The following SIPA1L2 variants were observed in gnomAD, a reference collection of about 807,000 sequenced individuals.
SIPA1L2 encodes the protein signal-induced proliferation-associated 1-like protein 2.
In SIPA1L2, 56 loss-of-function variants were observed where a neutral mutation model predicts 163.9. The ratio of observed to expected loss-of-function variants is 0.34; its 90% confidence interval spans 0.28 to 0.43. The LOEUF is 0.43. SIPA1L2 is among the 20% of genes least tolerant of loss of function. SIPA1L2 has a pLI of 1.00. For missense variants in SIPA1L2, 1,974 were observed against 2,193.5 expected, an observed-to-expected ratio of 0.90 and a Z score of 2.00; for synonymous variants, 877 against 865.7, an observed-to-expected ratio of 1.01 and a Z score of -0.23.
intron 1 of SIPA1L2, among the ~76,000 whole-genome samples, chr1:232,575,089 A>T (rs1294953211): frequency 1.3e-5 from 2 of 152,202 alleles, no homozygotes; most frequent in African/African-American, 4.8e-5. Flanking sequence ...CTGCAAACTC[A>T]ACTACAGCCA....
At position 232,609,548 on chromosome 1, in the gene SIPA1L2, C is replaced by T. The variant is rs564815751; in HGVS notation, c.-319+20321G>A. Reference sequence around the variant, plus strand: ...AATTATCAAGCAAGAACGAAGCAAGCGGCTGGGCATAGTGGCTCACACCTG... The same window carrying T: ...AATTATCAAGCAAGAACGAAGCAAGTGGCTGGGCATAGTGGCTCACACCTG... On this transcript the variant is annotated intron_variant, in intron 1 of 22. Transcript: ENST00000674635. 1.5e-4 allele frequency among the ~76,000 whole-genome samples: 23 copies of T among 152,154 alleles called. No homozygotes were observed. In the South Asian group the frequency reaches 4.8e-3, roughly 32 times the overall value.
chr1:232,594,278 G>A (rs1661124697), intron 1 of SIPA1L2, among the ~76,000 whole-genome samples: 1 of 152,254 alleles, frequency 6.6e-6, no homozygotes, highest in Non-Finnish European at 1.5e-5. Flanking sequence ...AAAGGAGACA[G>A]TGGTAGAGCT....
chr1:232,415,979 T>C (rs113032111), intron 18 of SIPA1L2: 27 of 217,318 alleles, frequency 1.2e-4, no homozygotes, highest in Middle Eastern at 1.6e-3. Context: ...GGCACCACTG[T>C]CCCTCCCAGA....
chr1:232,446,286 A>G (rs1284913104), intron 10 of SIPA1L2, among the ~76,000 whole-genome samples: 1 of 152,234 alleles, frequency 6.6e-6, no homozygotes, highest in African/African-American at 2.4e-5. Flanking sequence ...CAGAGACATT[A>G]AACACCTTGT....
chr1:232,505,849 T>C (rs999757005), intron 3 of SIPA1L2, among the ~76,000 whole-genome samples: 2 of 152,154 alleles, frequency 1.3e-5, no homozygotes, highest in African/African-American at 4.8e-5. Flanking sequence ...TATCTTAGAA[T>C]AGTACTATTG....
At chr1:232,503,711 T>C (rs1357648481) in intron 3 of SIPA1L2, among the ~76,000 whole-genome samples, 4 of 152,262 alleles carry the variant, frequency 2.6e-5, no homozygotes, top group Non-Finnish European at 4.4e-5. Context: ...CAACCACTAG[T>C]TGATCATTTA....
At chr1:232,512,956 G>A (rs1667048984) in intron 3 of SIPA1L2, among the ~76,000 whole-genome samples, 1 of 152,154 alleles carries the variant, frequency 6.6e-6, no homozygotes, top group African/African-American at 2.4e-5. Context: ...TGGATCCCTG[G>A]GAGCAGGAAG....
intron 19 of SIPA1L2, among the ~76,000 whole-genome samples, chr1:232,410,777 C>T (rs181977605): frequency 6.6e-6 from 1 of 152,150 alleles, no homozygotes; most frequent in East Asian, 1.9e-4. Flanking sequence ...TATATAGCTA[C>T]TTGACGTTCC....
intron 2 of SIPA1L2, among the ~76,000 whole-genome samples, chr1:232,548,585 ACTT>A (rs1401974968): frequency 6.6e-6 from 1 of 152,156 alleles, no homozygotes. Context: ...CAATCAATAT[ACTT>A]CATTCATTTA....
At chr1:232,448,820 C>T (rs1663371859) in intron 10 of SIPA1L2, among the ~76,000 whole-genome samples, 1 of 152,186 alleles carries the variant, frequency 6.6e-6, no homozygotes, top group Non-Finnish European at 1.5e-5. Flanking sequence ...CTGAGGTCCA[C>T]ACAGCGCCTG....
chr1:232,517,761 C>T (rs1003582621), intron 2 of SIPA1L2, among the ~76,000 whole-genome samples: 1 of 152,170 alleles, frequency 6.6e-6, no homozygotes, highest in African/African-American at 2.4e-5. Context: ...TAAAGATTAG[C>T]TGGGTGTGAT....
At chr1:232,619,887 A>G (rs939694503) in intron 1 of SIPA1L2, among the ~76,000 whole-genome samples, 2 of 146,034 alleles carry the variant, frequency 1.4e-5, no homozygotes, top group Non-Finnish European at 3.1e-5. Flanking sequence ...TAAATGCTCC[A>G]AATAGATTTT....
intron 8 of SIPA1L2, among the ~76,000 whole-genome samples, chr1:232,471,051 T>C (rs1664774282): frequency 6.6e-6 from 1 of 152,208 alleles, no homozygotes; most frequent in African/African-American, 2.4e-5. Flanking sequence ...ACTGCCACTA[T>C]ACTTACTTCT....
chr1:232,577,428 G>A (rs1367808494), intron 1 of SIPA1L2, among the ~76,000 whole-genome samples: 5 of 152,136 alleles, frequency 3.3e-5, no homozygotes, highest in Admixed American at 1.3e-4. Flanking sequence ...CATCCATTCC[G>A]CAGCCCATGG....
intron 1 of SIPA1L2, among the ~76,000 whole-genome samples, chr1:232,587,232 T>C (rs1165608399): frequency 1.3e-5 from 2 of 152,188 alleles, no homozygotes; most frequent in Non-Finnish European, 2.9e-5. Context: ...CAGATTTAGA[T>C]GTTCAGGACA....
intron 1 of SIPA1L2, among the ~76,000 whole-genome samples, chr1:232,622,317 T>A (rs1011996490): frequency 1.1e-4 from 17 of 152,304 alleles, no homozygotes; most frequent in African/African-American, 4.1e-4. Flanking sequence ...ATTTAAGGCA[T>A]AAATAATATC....
chr1:232,497,785 C>G lies in SIPA1L2; in HGVS notation c.1484-4125G>C, dbSNP rs553083772. On this transcript the variant is annotated intron_variant, in intron 3 of 22. Coordinates refer to ENST00000674635, the MANE Select transcript of SIPA1L2 (RefSeq NM_020808.5). ...ACAGCATGAGTGTTTCTCAAGACTC[C>G]AGCTTGATTCTGTCTCTGTCTTTAT... Among the ~76,000 whole-genome samples the G allele has an allele frequency of 1.0e-3, 153 of 152,278 alleles. 1 individual carries two copies. The highest frequency in any genetic ancestry group is 3.6e-3 in the African/African-American group (150 of 41,564).
intron 1 of SIPA1L2, among the ~76,000 whole-genome samples, chr1:232,610,186 A>C (rs957509398): frequency 6.6e-6 from 1 of 152,156 alleles, no homozygotes; most frequent in African/African-American, 2.4e-5. Context: ...TGTACTGTAT[A>C]TCTCTTCATG....
chr1:232,431,805 C>A (rs78127311), intron 16 of SIPA1L2, among the ~76,000 whole-genome samples: 1 of 152,172 alleles, frequency 6.6e-6, no homozygotes, highest in East Asian at 1.9e-4. Context: ...CCACGCCCCC[C>A]TCAACCTCAA....
Sources: gnomAD v4.1 joint callset for allele counts (sites outside exome capture counted in the v4.1 genomes callset) on GRCh38, gnomAD v4.1.1 for gene constraint, MANE v1.5 for transcripts, NCBI Gene and HGNC (gene_info 2026-07-23, HGNC 2026-07-21) for gene names.